The following MKLN1 variants were observed in gnomAD, a reference collection of about 807,000 sequenced individuals.
MKLN1 encodes the protein muskelin 1.
MKLN1 carries 18 observed loss-of-function variants against 99.0 expected under a neutral mutation model. The ratio of observed to expected loss-of-function variants is 0.18; its 90% CI spans 0.13 to 0.27. The LOEUF (loss-of-function observed/expected upper bound fraction) is 0.27, where lower values mean the gene tolerates loss of function less well. Ranked by LOEUF, MKLN1 falls within the 10% of genes least tolerant of loss-of-function variation. The probability of loss-of-function intolerance (pLI) is 1.00; values close to 1 mark genes in which losing one functional copy is unlikely to be tolerated. For synonymous variants in MKLN1, 288 were observed against 293.2 expected, an observed-to-expected ratio of 0.98 and a Z score of 0.18; for missense variants, 621 against 875.9, an observed-to-expected ratio of 0.71 and a Z score of 3.67.
At chr7:131,397,428 G>A in intron 5 of MKLN1, 52 bp downstream of exon 5, 1 of 878,598 alleles carries the variant, frequency 1.1e-6, no homozygotes. Flanking sequence ...GGAGAAATAT[G>A]TCAATCTCTT....
intron 1 of MKLN1, among the ~76,000 whole-genome samples, chr7:131,335,047 C>A (rs1799212224): frequency 6.6e-6 from 1 of 152,126 alleles, no homozygotes; most frequent in East Asian, 1.9e-4. Context: ...TTGTGAATGG[C>A]TGGTTCTGTA....
rs7458516 is a variant in MKLN1, at chr7:131,235,328, A to G, written c.-179+32354A>G. ...GTGTGTGTATGTGAGAGAGAGAGGG[A>G]GAGAGAGAGAGAGAGAGCATCTTCA... On this transcript the variant is annotated intron_variant, in intron 3 of 7. Coordinates refer to the MKLN1 transcript ENST00000416992. Among the ~76,000 whole-genome samples the G allele has an allele frequency of 1.7e-4, 17 of 101,688 alleles. 1 individual carries two copies. Among genetic ancestry groups the G allele is most frequent in the Middle Eastern group, 9.7e-3 (2 of 206 alleles). 66.7% of individuals were successfully genotyped at this position (101,688 alleles called of 152,430 possible). A position where few individuals can be genotyped will look rare whatever the true frequency, so the allele number is the denominator to read the frequency against.
chr7:131,385,812 T>A (rs540472536), intron 2 of MKLN1, among the ~76,000 whole-genome samples: 2 of 152,238 alleles, frequency 1.3e-5, no homozygotes, highest in South Asian at 4.1e-4. Context: ...TTTCTCCCAT[T>A]CTATAGGGTG....
At chr7:131,200,385 G>T (rs1430310329) in intron 2 of MKLN1, among the ~76,000 whole-genome samples, 1 of 152,118 alleles carries the variant, frequency 6.6e-6, no homozygotes, top group Non-Finnish European at 1.5e-5. Flanking sequence ...AGAAAACTTT[G>T]GTCCTTTATG....
intron 12 of MKLN1, among the ~76,000 whole-genome samples, chr7:131,451,496 T>C (rs1796176689): frequency 6.6e-6 from 1 of 152,168 alleles, no homozygotes; most frequent in South Asian, 2.1e-4. Context: ...TGTCAGATAC[T>C]ATAAAATCTT....
intron 1 of MKLN1, among the ~76,000 whole-genome samples, chr7:131,113,605 T>G (rs900978157): frequency 6.6e-6 from 1 of 150,568 alleles, no homozygotes; most frequent in Non-Finnish European, 1.5e-5. Context: ...GCAGATTGCT[T>G]GAGCTCAAGA....
At chr7:131,356,654 C>T (rs1799891288) in intron 1 of MKLN1, among the ~76,000 whole-genome samples, 1 of 152,102 alleles carries the variant, frequency 6.6e-6, no homozygotes, top group African/African-American at 2.4e-5. Context: ...CTGTCGTGTC[C>T]CACTGATGGG....
intron 1 of MKLN1, among the ~76,000 whole-genome samples, chr7:131,121,550 A>G (rs1325941045): frequency 6.8e-6 from 1 of 147,384 alleles, no homozygotes; most frequent in African/African-American, 2.5e-5. Context: ...AGGCAGGGGA[A>G]TAGCATGAAC....
At chr7:131,225,386 T>C (rs1797131914) in intron 3 of MKLN1, among the ~76,000 whole-genome samples, 2 of 152,332 alleles carry the variant, frequency 1.3e-5, no homozygotes, top group East Asian at 1.9e-4. Flanking sequence ...GATCCACTCC[T>C]AAAACCATGA....
chr7:131,228,792 C>A (rs1461952249), intron 3 of MKLN1, among the ~76,000 whole-genome samples: 2 of 152,220 alleles, frequency 1.3e-5, no homozygotes, highest in African/African-American at 4.8e-5. Flanking sequence ...ATTAACACAA[C>A]CTTCCTTGAT....
chr7:131,322,753 G>A (rs1246114205), intron 3 of MKLN1, among the ~76,000 whole-genome samples: 2 of 151,096 alleles, frequency 1.3e-5, no homozygotes, highest in Admixed American at 1.3e-4. Flanking sequence ...TGTATTTTTA[G>A]TAGAGACGGG....
chr7:131,472,069 C>T (rs1796835048), intron 16 of MKLN1: 1 of 152,218 alleles, frequency 6.6e-6, no homozygotes, highest in African/African-American at 2.4e-5. Flanking sequence ...CAATTCATGA[C>T]ACTGTGCAAA....
intron 8 of MKLN1, among the ~76,000 whole-genome samples, chr7:131,414,989 G>T (rs149867118): frequency 6.6e-6 from 1 of 152,040 alleles, no homozygotes; most frequent in Non-Finnish European, 1.5e-5. Flanking sequence ...GGAATAAAGA[G>T]AACTAAGATA....
At chr7:131,170,815 G>A (rs1040128830) in intron 2 of MKLN1, among the ~76,000 whole-genome samples, 2 of 152,184 alleles carry the variant, frequency 1.3e-5, no homozygotes, top group Non-Finnish European at 2.9e-5. Flanking sequence ...ACAACAGATT[G>A]AGAGAATTCT....
chr7:131,395,622 A>G (rs755840204), intron 4 of MKLN1, among the ~76,000 whole-genome samples: 71 of 151,852 alleles, frequency 4.7e-4, no homozygotes, highest in Admixed American at 1.6e-3. Flanking sequence ...TTGCTTTTGT[A>G]CCATTAGTGC....
intron 2 of MKLN1, among the ~76,000 whole-genome samples, chr7:131,170,697 C>T (rs1796202438): frequency 6.6e-6 from 1 of 152,180 alleles, no homozygotes; most frequent in Admixed American, 6.5e-5. Context: ...TGTCCTTGGT[C>T]TGACAGGTCA....
intron 2 of MKLN1, among the ~76,000 whole-genome samples, chr7:131,198,151 T>C (rs1485785683): frequency 1.3e-5 from 2 of 152,238 alleles, no homozygotes; most frequent in African/African-American, 4.8e-5. Context: ...AAAGGAAAAC[T>C]GTGTAAAGAA....
At chr7:131,308,662 C>A (rs528707066) in intron 3 of MKLN1, among the ~76,000 whole-genome samples, 1 of 151,484 alleles carries the variant, frequency 6.6e-6, no homozygotes, top group Non-Finnish European at 1.5e-5. Context: ...CTCAGCTCAC[C>A]GCAACGTCCA....
At chr7:131,427,530 T>C in intron 8 of MKLN1, among the ~76,000 whole-genome samples, 1 of 152,178 alleles carries the variant, frequency 6.6e-6, no homozygotes, top group East Asian at 1.9e-4. Flanking sequence ...GGGGAAATAT[T>C]TGAAGAAAGG....
Sources: gnomAD v4.1 joint callset for allele counts (sites outside exome capture counted in the v4.1 genomes callset) on GRCh38, gnomAD v4.1.1 for gene constraint, MANE v1.5 for transcripts, NCBI Gene and HGNC (gene_info 2026-07-23, HGNC 2026-07-21) for gene names.